PIGU: variants seen among roughly 807,000 people sequenced by gnomAD.
PIGU encodes the protein GPI-anchor transamidase component PIGU.
A neutral mutation model predicts 49.9 loss-of-function variants in PIGU; 24 were observed. The observed-to-expected ratio is 0.48, with a 90% CI of 0.35 to 0.68. PIGU has a LOEUF of 0.68. Ranked by LOEUF, PIGU falls within the 30% of genes least tolerant of loss-of-function variation. PIGU has a pLI of 0.01. For synonymous variants in PIGU, 220 were observed against 205.7 expected (o/e 1.07, Z -0.59); for missense variants, 490 against 532.6 (o/e 0.92, Z 0.79).
chr20:34,619,970 T>C (rs1007540974), intron 6 of PIGU, among the ~76,000 whole-genome samples: 6 of 152,196 alleles, frequency 3.9e-5, no homozygotes, highest in African/African-American at 1.4e-4. Context: ...GATCCACCCC[T>C]GGAGCATTTA....
At chr20:34,561,965 G>C (rs1160461443) in intron 11 of PIGU, among the ~76,000 whole-genome samples, 1 of 152,148 alleles carries the variant, frequency 6.6e-6, no homozygotes, top group Non-Finnish European at 1.5e-5. Flanking sequence ...CCCTGGCCCG[G>C]GGCCTCCATC....
At chr20:34,606,713 G>T (rs1459657108) in intron 7 of PIGU, among the ~76,000 whole-genome samples, 1 of 152,136 alleles carries the variant, frequency 6.6e-6, no homozygotes, top group Non-Finnish European at 1.5e-5. Flanking sequence ...ATAAGAGTTG[G>T]ATTACTTAGC....
At chr20:34,595,095 C>CAAAAAAAA (rs71194627) in intron 7 of PIGU, among the ~76,000 whole-genome samples, 4 of 71,340 alleles carry the variant, frequency 5.6e-5, no homozygotes, top group Non-Finnish European at 7.4e-5. Flanking sequence ...GACTCCGTCT[C>CAAAAAAAA]AAAAAAAAAA....
Position 34,588,594 on chromosome 20 carries a change from G to C in PIGU, c.641C>G (p.Pro214Arg), listed in dbSNP as rs1983801498. 2 of 1,613,710 alleles carry C rather than the reference G, an allele frequency of 1.2e-6. No individual in the cohort carries two copies. The highest frequency in any genetic ancestry group is 8.5e-7 in the Non-Finnish European group (1 of 1,179,846). Residue 214 changes from proline to arginine, a missense_variant, in exon 8 of 12, where the codon CCT (proline) becomes CGT (arginine). Pro to Arg is a moderately radical substitution (Grantham distance 103). Coordinates refer to ENST00000217446, the MANE Select transcript of PIGU (RefSeq NM_080476.5). ...GAAGGCTTTGCTCTTCATTTTCACA[G>C]GTATGTACTGCCGCTGGAGAGAAGG... is the stretch of plus-strand genomic sequence containing the variant. ...LLYLLQRQYI[P>R]VKMKSKAFWI...
chr20:34,675,285 T>G (rs1472478017), intron 1 of PIGU, among the ~76,000 whole-genome samples: 1 of 127,298 alleles, frequency 7.9e-6, no homozygotes, highest in African/African-American at 2.9e-5. Context: ...AGAGAGAAAA[T>G]GTGGAAAAAC....
intron 7 of PIGU, among the ~76,000 whole-genome samples, chr20:34,609,299 C>A (rs1230282835): frequency 1.3e-5 from 2 of 152,092 alleles, no homozygotes; most frequent in Non-Finnish European, 2.9e-5. Context: ...CAGAGTAAGA[C>A]CCTGTTACAA....
chr20:34,655,446 C>T (rs1387514554), intron 2 of PIGU, among the ~76,000 whole-genome samples: 2 of 121,980 alleles, frequency 1.6e-5, no homozygotes, highest in African/African-American at 3.0e-5. Context: ...CCAAGGCAGG[C>T]GGATCACGAA....
chr20:34,626,205 G>A (rs903158546), intron 6 of PIGU, among the ~76,000 whole-genome samples: 3 of 151,574 alleles, frequency 2.0e-5, no homozygotes, highest in Non-Finnish European at 4.4e-5. Context: ...TTTAGGATAG[G>A]TTCTCAAAAG....
intron 10 of PIGU, among the ~76,000 whole-genome samples, chr20:34,579,853 C>T (rs1342432625): frequency 1.3e-5 from 2 of 152,156 alleles, no homozygotes; most frequent in Non-Finnish European, 2.9e-5. Context: ...CTACCAAGCC[C>T]GAAGCTCTGA....
At chr20:34,618,764 G>A (rs1020951729) in intron 6 of PIGU, among the ~76,000 whole-genome samples, 5 of 152,202 alleles carry the variant, frequency 3.3e-5, no homozygotes, top group Non-Finnish European at 2.9e-5. Context: ...TCCAGCCTGG[G>A]TGACAGAGTA....
At chr20:34,587,199 A>G (rs541033375) in intron 8 of PIGU, among the ~76,000 whole-genome samples, 21 of 152,340 alleles carry the variant, frequency 1.4e-4, no homozygotes, top group African/African-American at 5.1e-4. Flanking sequence ...GGGTGGGCCC[A>G]GCAATCTGGG....
At chr20:34,614,989 C>G (rs1352188126) in intron 7 of PIGU, among the ~76,000 whole-genome samples, 1 of 152,190 alleles carries the variant, frequency 6.6e-6, no homozygotes. Context: ...CATGTATGTA[C>G]TATTCTCATT....
chr20:34,645,289 C>A lies in PIGU; in HGVS notation c.241G>T (p.Glu81Ter). The A allele has an allele frequency of 1.3e-6, 2 of 1,573,552 alleles. No homozygotes were observed. Among genetic ancestry groups the A allele is most frequent in the Non-Finnish European group, 1.7e-6 (2 of 1,165,642 alleles). The change falls in exon 3 of 12, where the codon GAA becomes TAA. Residue 81 changes from glutamate (E) to a stop codon, truncating the protein, a stop_gained. Coordinates refer to ENST00000217446, the MANE Select transcript of PIGU (RefSeq NM_080476.5). LOFTEE classifies it high-confidence loss of function. ...AGGTTACTTACCATAAACACCAATT[C>A]AGCATAGTCAATTAGGAAATGAAAG... ...YLFHFLIDYA[E>*]LVFMITDALT...
At chr20:34,649,917 C>T (rs1429846533) in intron 2 of PIGU, among the ~76,000 whole-genome samples, 1 of 147,152 alleles carries the variant, frequency 6.8e-6, no homozygotes, top group Non-Finnish European at 1.5e-5. Flanking sequence ...GGCGCGATCT[C>T]GGCTCACTGC....
At chr20:34,590,589 AAC>A (rs1983919661) in intron 7 of PIGU, among the ~76,000 whole-genome samples, 1 of 146,490 alleles carries the variant, frequency 6.8e-6, no homozygotes, top group Admixed American at 6.8e-5. Flanking sequence ...AACATAACAT[AAC>A]ATAACATAAC....
chr20:34,613,374 G>A (rs1488595130), intron 7 of PIGU, among the ~76,000 whole-genome samples: 1 of 152,220 alleles, frequency 6.6e-6, no homozygotes, highest in Non-Finnish European at 1.5e-5. Context: ...AATATTGGTA[G>A]AGGAGCTGCT....
At position 34,601,676 on chromosome 20, in the gene PIGU, CCAAT is replaced by C. The variant is rs374874239; in HGVS notation, c.628-13073_628-13070del. Among the ~76,000 whole-genome samples the C allele has an allele frequency of 2.8e-3, 432 of 152,320 alleles. 2 individuals are homozygous for C. Among genetic ancestry groups the C allele is most frequent in the South Asian group, 0.027 (128 of 4,824 alleles). ...ACTACTTTAACCTACCACTGTCTCACCAATCAGAGATTCCCAGCTCCCAAAAACT... is the reference window on the plus strand; with the variant it reads ...ACTACTTTAACCTACCACTGTCTCACCAGAGATTCCCAGCTCCCAAAAACT... On this transcript the variant is annotated intron_variant, in intron 7 of 11. Transcript: ENST00000217446.
chr20:34,620,809 C>CAAAAAAAAAAAAAA (rs71194628), intron 6 of PIGU, among the ~76,000 whole-genome samples: 1 of 127,762 alleles, frequency 7.8e-6, no homozygotes, highest in African/African-American at 3.2e-5. Flanking sequence ...TAAAAAAAAA[C>CAAAAAAAAAAAAAA]AAAAAAAAAA....
At chr20:34,658,710 T>C (rs1359101759) in intron 1 of PIGU, among the ~76,000 whole-genome samples, 2 of 144,364 alleles carry the variant, frequency 1.4e-5, no homozygotes, top group African/African-American at 2.6e-5. Flanking sequence ...GGAGACCCTC[T>C]GCCTGACAAC....
Sources: gnomAD v4.1 joint callset for allele counts (sites outside exome capture counted in the v4.1 genomes callset) on GRCh38, gnomAD v4.1.1 for gene constraint, MANE v1.5 for transcripts, NCBI Gene and HGNC (gene_info 2026-07-23, HGNC 2026-07-21) for gene names.